The following SGCZ variants were observed in gnomAD, a reference collection of about 807,000 sequenced individuals.
The protein encoded by SGCZ is zeta-sarcoglycan.
SGCZ carries 40 observed loss-of-function variants against 41.3 expected under a neutral mutation model. The ratio of observed to expected loss-of-function variants is 0.97; its 90% confidence interval spans 0.75 to 1.26. The LOEUF is 1.26. Ranked by LOEUF, SGCZ falls within the 50% of genes most tolerant of loss-of-function variation. The pLI, the probability that SGCZ is intolerant of heterozygous loss-of-function variation, is 0.00. For synonymous variants in SGCZ, 206 were observed against 137.5 expected (o/e 1.50, Z -3.49); for missense variants, 552 against 369.8 (o/e 1.49, Z -4.04).
chr8:14,582,266 A>G (rs1365401337), intron 1 of SGCZ, among the ~76,000 whole-genome samples: 1 of 152,116 alleles, frequency 6.6e-6, no homozygotes, highest in Non-Finnish European at 1.5e-5. Context: ...TCGCTAGGCT[A>G]TTAGTAGTTA....
intron 2 of SGCZ, among the ~76,000 whole-genome samples, chr8:14,424,620 T>C (rs1412794254): frequency 1.6e-5 from 2 of 128,840 alleles, no homozygotes; most frequent in Admixed American, 7.3e-5. Context: ...ACAGCTTTTG[T>C]TGTCATTTTT....
At chr8:14,575,833 G>C (rs370335069) in intron 1 of SGCZ, among the ~76,000 whole-genome samples, 4 of 150,526 alleles carry the variant, frequency 2.7e-5, no homozygotes, top group African/African-American at 9.8e-5. Context: ...TTGAACCCAG[G>C]AGGCGGAGGT....
intron 1 of SGCZ, among the ~76,000 whole-genome samples, chr8:14,667,865 C>T (rs1807961463): frequency 6.6e-6 from 1 of 152,130 alleles, no homozygotes; most frequent in South Asian, 2.1e-4. Flanking sequence ...TAAATACTAT[C>T]CCTATACATG....
rs1407252455 is a variant in SGCZ at position 14,417,954 on chromosome 8, T to C, written c.235-93750A>G. 2.0e-5 allele frequency among the ~76,000 whole-genome samples: 3 copies of C among 151,852 alleles called. No homozygotes were observed. The East Asian group carries it at 5.8e-4, about 29-fold the overall frequency. On this transcript the variant is annotated intron_variant, in intron 2 of 7. Transcript: ENST00000382080. ...GATTCACATATTTTTATCATGAATGTCATATTATTTGTCGAAGCGTATCTT... is the reference window on the plus strand; with the variant it reads ...GATTCACATATTTTTATCATGAATGCCATATTATTTGTCGAAGCGTATCTT...
chr8:15,088,042 TGTAA>T (rs780550687), intron 1 of SGCZ, among the ~76,000 whole-genome samples: 6 of 152,018 alleles, frequency 3.9e-5, no homozygotes, highest in African/African-American at 9.7e-5. Context: ...AAAGGAATAA[TGTAA>T]GTGTGTCTCA....
intron 4 of SGCZ, among the ~76,000 whole-genome samples, chr8:14,189,393 G>A (rs1015035300): frequency 6.6e-6 from 1 of 151,994 alleles, no homozygotes; most frequent in Non-Finnish European, 1.5e-5. Flanking sequence ...TTTTCAACAC[G>A]GTCTGGAAGA....
At chr8:14,498,447 G>A (rs970098238) in intron 2 of SGCZ, among the ~76,000 whole-genome samples, 2 of 151,942 alleles carry the variant, frequency 1.3e-5, no homozygotes, top group African/African-American at 4.8e-5. Context: ...AGTGGATCTA[G>A]GAATCTATAT....
chr8:14,390,855 A>C (rs1804746480), intron 2 of SGCZ, among the ~76,000 whole-genome samples: 1 of 152,100 alleles, frequency 6.6e-6, no homozygotes, highest in Non-Finnish European at 1.5e-5. Flanking sequence ...TTAACTTTAA[A>C]TATTTTAAAA....
intron 1 of SGCZ, among the ~76,000 whole-genome samples, chr8:14,578,011 C>T (rs1226625325): frequency 1.3e-5 from 2 of 152,156 alleles, no homozygotes; most frequent in Admixed American, 6.5e-5. Context: ...TACACTACAT[C>T]AAAGGGCCAG....
chr8:14,231,472 C>T (rs1433682895), intron 4 of SGCZ, among the ~76,000 whole-genome samples: 1 of 151,896 alleles, frequency 6.6e-6, no homozygotes, highest in African/African-American at 2.4e-5. Flanking sequence ...CTCAATTGAC[C>T]AATGGCAAAC....
At chr8:14,774,208 G>A (rs949054567) in intron 1 of SGCZ, among the ~76,000 whole-genome samples, 7 of 152,142 alleles carry the variant, frequency 4.6e-5, no homozygotes, top group African/African-American at 1.7e-4. Flanking sequence ...AGAGAGAACT[G>A]TGCAGCCTGA....
intron 1 of SGCZ, among the ~76,000 whole-genome samples, chr8:15,176,987 C>T (rs907782972): frequency 7.3e-5 from 11 of 151,544 alleles, no homozygotes; most frequent in African/African-American, 1.5e-4. Context: ...GGCAACAGAG[C>T]GAGACTTTGT....
At chr8:14,627,484 T>C (rs1228992918) in intron 1 of SGCZ, among the ~76,000 whole-genome samples, 1 of 152,096 alleles carries the variant, frequency 6.6e-6, no homozygotes, top group Non-Finnish European at 1.5e-5. Flanking sequence ...CACTGTCCTA[T>C]CCTCACAAAG....
chr8:14,390,423 G>A (rs1439880225), intron 2 of SGCZ, among the ~76,000 whole-genome samples: 1 of 151,630 alleles, frequency 6.6e-6, no homozygotes, highest in Non-Finnish European at 1.5e-5. Flanking sequence ...CACTAATGGT[G>A]ACAAATATTA....
At chr8:14,950,722 G>A (rs575456006) in intron 1 of SGCZ, among the ~76,000 whole-genome samples, 2 of 152,036 alleles carry the variant, frequency 1.3e-5, no homozygotes, top group South Asian at 2.1e-4. Flanking sequence ...GTGAGCCAAA[G>A]TAAAACATAA....
At chr8:14,372,427 G>C (rs1417310754) in intron 2 of SGCZ, among the ~76,000 whole-genome samples, 1 of 152,122 alleles carries the variant, frequency 6.6e-6, no homozygotes, top group Non-Finnish European at 1.5e-5. Context: ...TCAAGACAGA[G>C]AAGTGAGCAT....
At chr8:14,961,169 G>A (rs941267868) in intron 1 of SGCZ, among the ~76,000 whole-genome samples, 1 of 152,042 alleles carries the variant, frequency 6.6e-6, no homozygotes, top group Non-Finnish European at 1.5e-5. Context: ...CTGCTAATGA[G>A]CTTAAACAAT....
At chr8:14,674,393 A>T (rs377349048) in intron 1 of SGCZ, among the ~76,000 whole-genome samples, 19 of 152,300 alleles carry the variant, frequency 1.2e-4, no homozygotes, top group African/African-American at 4.6e-4. Flanking sequence ...TTTAAGATTA[A>T]ATTTACAAGA....
intron 4 of SGCZ, among the ~76,000 whole-genome samples, chr8:14,226,460 G>A (rs1390638798): frequency 6.6e-6 from 1 of 152,008 alleles, no homozygotes; most frequent in Non-Finnish European, 1.5e-5. Flanking sequence ...GTCCTTTTAA[G>A]AACGTCATAT....
Sources: gnomAD v4.1 joint callset for allele counts (sites outside exome capture counted in the v4.1 genomes callset) on GRCh38, gnomAD v4.1.1 for gene constraint, MANE v1.5 for transcripts, NCBI Gene and HGNC (gene_info 2026-07-23, HGNC 2026-07-21) for gene names.